SOX5: variants seen among roughly 807,000 people sequenced by gnomAD.
SOX5 encodes SRY-box transcription factor 5, also known as transcription factor SOX-5.
SOX5 carries 9 observed loss-of-function variants against 92.0 expected under a neutral mutation model. The ratio of observed to expected loss-of-function variants is 0.10; its 90% CI spans 0.06 to 0.17. The LOEUF is 0.17. SOX5 is among the 10% of genes least tolerant of loss of function. The pLI, the probability that SOX5 is intolerant of heterozygous loss-of-function variation, is 1.00. For synonymous variants in SOX5, 344 were observed against 336.3 expected, an observed-to-expected ratio of 1.02 and a Z score of -0.25; for missense variants, 642 against 944.5, an observed-to-expected ratio of 0.68 and a Z score of 4.20.
intron 3 of SOX5, among the ~76,000 whole-genome samples, chr12:23,803,114 A>G (rs2095694083): frequency 6.6e-6 from 1 of 152,164 alleles, no homozygotes; most frequent in Admixed American, 6.5e-5. Context: ...TAAATTCTCT[A>G]TCACAATCTC....
chr12:24,425,703 T>G (rs918398538), intron 1 of SOX5, among the ~76,000 whole-genome samples: 5 of 152,142 alleles, frequency 3.3e-5, no homozygotes, highest in African/African-American at 1.2e-4. Context: ...TTAAGTTGGG[T>G]GGTTTATGTC....
At chr12:24,322,661 G>C (rs973402403) in intron 2 of SOX5, among the ~76,000 whole-genome samples, 17 of 152,152 alleles carry the variant, frequency 1.1e-4, no homozygotes, top group Admixed American at 6.5e-4. Context: ...TTTTCTCTGT[G>C]TTATACCTTT....
intron 2 of SOX5, among the ~76,000 whole-genome samples, chr12:24,311,602 G>C (rs1240894384): frequency 6.6e-6 from 1 of 152,126 alleles, no homozygotes; most frequent in East Asian, 1.9e-4. Context: ...TAGTCATTAT[G>C]ACCTGAGACT....
intron 3 of SOX5, among the ~76,000 whole-genome samples, chr12:23,795,545 AG>A (rs1445448949): frequency 6.6e-6 from 1 of 151,964 alleles, no homozygotes; most frequent in Non-Finnish European, 1.5e-5. Flanking sequence ...GCCAAATGTG[AG>A]GGTGGTTTTT....
At chr12:23,750,502 G>T (rs2094148131) in intron 4 of SOX5, among the ~76,000 whole-genome samples, 2 of 151,766 alleles carry the variant, frequency 1.3e-5, no homozygotes, top group Non-Finnish European at 2.9e-5. Flanking sequence ...AACAGGAAAA[G>T]GTTTTAGGTT....
intron 2 of SOX5, among the ~76,000 whole-genome samples, chr12:24,288,721 T>C (rs1488650278): frequency 1.4e-5 from 2 of 143,544 alleles, no homozygotes; most frequent in Non-Finnish European, 3.1e-5. Context: ...ATAGCACACA[T>C]TGAAAACCTT....
chr12:24,000,232 G>T (rs751122006), intron 4 of SOX5, among the ~76,000 whole-genome samples: 4 of 151,290 alleles, frequency 2.6e-5, no homozygotes, highest in Non-Finnish European at 5.9e-5. Context: ...ACTTCGATCC[G>T]CAGAAAGAAA....
At chr12:23,680,790 G>C (rs914613113) in intron 6 of SOX5, among the ~76,000 whole-genome samples, 5 of 152,042 alleles carry the variant, frequency 3.3e-5, no homozygotes, top group African/African-American at 1.2e-4. Context: ...GTGATAATTA[G>C]TTTAACAATA....
intron 9 of SOX5, among the ~76,000 whole-genome samples, chr12:23,583,444 T>C (rs1285465428): frequency 1.3e-5 from 2 of 152,136 alleles, no homozygotes; most frequent in Admixed American, 1.3e-4. Context: ...GGAATACTCG[T>C]GTCAACAATA....
At chr12:23,830,632 C>T (rs1423086973) in intron 3 of SOX5, among the ~76,000 whole-genome samples, 3 of 152,076 alleles carry the variant, frequency 2.0e-5, no homozygotes, top group Non-Finnish European at 4.4e-5. Context: ...TTTATTTTTC[C>T]CACCCCATCA....
chr12:24,306,456 G>A (rs568805048), intron 2 of SOX5, among the ~76,000 whole-genome samples: 35 of 152,306 alleles, frequency 2.3e-4, no homozygotes, highest in Admixed American at 3.9e-4. Flanking sequence ...GAGCGCTCTG[G>A]CCACTTTGAC....
chr12:23,531,554 A>G lies in SOX5; in HGVS notation c.*2665T>C, dbSNP rs563456548. On this transcript the variant is annotated 3_prime_UTR_variant, in exon 15 of 15. Coordinates refer to ENST00000451604, the MANE Select transcript of SOX5 (RefSeq NM_006940.6). ...AGTATCCAGCAAACGTGAGAGGTGA[A>G]CCCACATAAATCGGAAGGAATTTGT... The G allele has an allele frequency of 3.7e-4, 56 of 152,288 alleles. No homozygotes were observed. Among genetic ancestry groups the G allele is most frequent in the Admixed American group, 3.5e-3 (53 of 15,286 alleles). The allele number at this position is 152,288 out of a possible 1,614,324, so 9.4% of individuals were successfully genotyped here.
chr12:23,537,879 G>A (rs1388466252), intron 13 of SOX5, among the ~76,000 whole-genome samples: 1 of 151,208 alleles, frequency 6.6e-6, no homozygotes, highest in Non-Finnish European at 1.5e-5. Flanking sequence ...TGTGTCCGGA[G>A]TTTGTTCCTT....
At chr12:24,419,809 TG>T (rs1352232149) in intron 1 of SOX5, among the ~76,000 whole-genome samples, 1 of 152,196 alleles carries the variant, frequency 6.6e-6, no homozygotes, top group African/African-American at 2.4e-5. Flanking sequence ...TGGCAAATGG[TG>T]ATCAAAATAA....
In SOX5 at chr12:24,095,128, C is replaced by CACACAG. The variant is rs1345578614; in HGVS notation, c.-2+118214_-2+118215insCTGTGT. On this transcript the variant is annotated intron_variant, in intron 4 of 4. Coordinates refer to the SOX5 transcript ENST00000446891. ...ACACACACACACACACACACACACA[C>CACACAG]AGAGAGAGAGAGAGAGAGAGAGAGA... is the stretch of plus-strand genomic sequence containing the variant. Among the ~76,000 whole-genome samples, 451 of 90,192 alleles carry CACACAG rather than the reference C, an allele frequency of 5.0e-3. 3 individuals carry two copies. Among genetic ancestry groups the CACACAG allele is most frequent in the African/African-American group, 0.017 (388 of 22,432 alleles). The allele number at this position is 90,192 out of a possible 152,430, so 59.2% of individuals were successfully genotyped here.
chr12:23,802,816 A>G (rs1020997540), intron 3 of SOX5, among the ~76,000 whole-genome samples: 1 of 152,088 alleles, frequency 6.6e-6, no homozygotes, highest in Non-Finnish European at 1.5e-5. Flanking sequence ...AACTCACATA[A>G]TTTACCATCT....
In SOX5 at chr12:23,786,533, G is replaced by A. The variant is rs2095380766; in HGVS notation, c.482-30809C>T. On this transcript the variant is annotated intron_variant, in intron 3 of 14. Transcript: ENST00000451604. ...ACTTTTCCATTGGTGGACAGAGTGA[G>A]ACTCCATCTCAAAAAAAAAAAAAAG... 2.8e-5 allele frequency among the ~76,000 whole-genome samples: 3 copies of A among 106,614 alleles called. No homozygotes were observed. The South Asian group carries it at 9.8e-4, about 35-fold the overall frequency. 69.9% of individuals were successfully genotyped at this position (106,614 alleles called of 152,430 possible). A position where few individuals can be genotyped will look rare whatever the true frequency, so the allele number is the denominator to read the frequency against.
chr12:24,159,601 T>C (rs529077902), intron 4 of SOX5, among the ~76,000 whole-genome samples: 4 of 152,142 alleles, frequency 2.6e-5, no homozygotes, highest in African/African-American at 7.2e-5. Context: ...CAGCATCTCA[T>C]TAACTGAACT....
At chr12:23,759,772 C>G (rs914785331) in intron 3 of SOX5, among the ~76,000 whole-genome samples, 5 of 152,042 alleles carry the variant, frequency 3.3e-5, no homozygotes, top group Non-Finnish European at 5.9e-5. Context: ...AGTGTAAGTG[C>G]TGCTTCACTG....
Sources: allele counts gnomAD v4.1 joint callset (sites outside exome capture counted in the v4.1 genomes callset), GRCh38; gene constraint gnomAD v4.1.1; transcripts MANE v1.5; gene names NCBI Gene and HGNC (gene_info 2026-07-23, HGNC 2026-07-21).